Variants in PPP1R9A observed in about 807,000 individuals in gnomAD.
PPP1R9A encodes protein phosphatase 1 regulatory subunit 9A.
Under a neutral mutation model 141.9 loss-of-function variants are expected in PPP1R9A, and 59 were observed. The observed-to-expected ratio is 0.42, with a 90% CI of 0.34 to 0.52. The LOEUF (loss-of-function observed/expected upper bound fraction) is 0.52, where lower values mean the gene tolerates loss of function less well. Ranked by LOEUF, PPP1R9A falls within the 20% of genes least tolerant of loss-of-function variation. The probability of loss-of-function intolerance (pLI) is 0.10; values close to 1 mark genes in which losing one functional copy is unlikely to be tolerated. For missense variants in PPP1R9A, 1,444 were observed against 1,611.9 expected, an observed-to-expected ratio of 0.90 and a Z score of 1.78; for synonymous variants, 500 against 569.7, an observed-to-expected ratio of 0.88 and a Z score of 1.74.
intron 2 of PPP1R9A, among the ~76,000 whole-genome samples, chr7:94,985,709 G>C (rs961499182): frequency 3.3e-5 from 5 of 150,950 alleles, no homozygotes; most frequent in Non-Finnish European, 4.4e-5. Context: ...CCTTTATTTT[G>C]AGCCTGTGTG....
intron 5 of PPP1R9A, among the ~76,000 whole-genome samples, chr7:95,171,372 A>G (rs953772813): frequency 5.9e-5 from 9 of 151,662 alleles, no homozygotes; most frequent in African/African-American, 2.2e-4. Context: ...ATTAATCAAA[A>G]GAGCACTAGT....
At chr7:95,061,297 T>G (rs1007477088) in intron 2 of PPP1R9A, among the ~76,000 whole-genome samples, 1 of 152,218 alleles carries the variant, frequency 6.6e-6, no homozygotes, top group African/African-American at 2.4e-5. Flanking sequence ...TGAGCTAACA[T>G]CTATAAAAAT....
At chr7:94,953,198 C>T (rs1394679047) in intron 2 of PPP1R9A, among the ~76,000 whole-genome samples, 4 of 152,142 alleles carry the variant, frequency 2.6e-5, no homozygotes, top group African/African-American at 9.7e-5. Context: ...TTCCCAACAC[C>T]ATTTATTAAA....
chr7:95,222,076 G>T (rs1794539011), intron 7 of PPP1R9A, among the ~76,000 whole-genome samples: 1 of 151,990 alleles, frequency 6.6e-6, no homozygotes, highest in Non-Finnish European at 1.5e-5. Flanking sequence ...TCTTGTCCAG[G>T]GTAAGCATAT....
At chr7:95,077,308 T>C (rs1047131038) in intron 2 of PPP1R9A, among the ~76,000 whole-genome samples, 1 of 152,190 alleles carries the variant, frequency 6.6e-6, no homozygotes. Flanking sequence ...ACAGTTAATT[T>C]ATATAATCTG....
At chr7:95,138,445 A>C (rs1164284214) in intron 4 of PPP1R9A, among the ~76,000 whole-genome samples, 2 of 152,196 alleles carry the variant, frequency 1.3e-5, no homozygotes, top group African/African-American at 4.8e-5. Flanking sequence ...AGAGGTGAAA[A>C]TCTTTATAAA....
intron 2 of PPP1R9A, among the ~76,000 whole-genome samples, chr7:95,051,981 A>G (rs558891179): frequency 1.6e-4 from 24 of 152,102 alleles, no homozygotes; most frequent in African/African-American, 5.5e-4. Flanking sequence ...CTGGGATTAC[A>G]GGTGCACACC....
intron 2 of PPP1R9A, among the ~76,000 whole-genome samples, chr7:94,963,551 G>C (rs1480116768): frequency 6.6e-6 from 1 of 151,984 alleles, no homozygotes; most frequent in Non-Finnish European, 1.5e-5. Flanking sequence ...TATAATATGT[G>C]GTCTTCTGTG....
intron 2 of PPP1R9A, among the ~76,000 whole-genome samples, chr7:94,917,713 T>C (rs1288312141): frequency 6.6e-6 from 1 of 152,144 alleles, no homozygotes; most frequent in Non-Finnish European, 1.5e-5. Context: ...CAGCAGTTGC[T>C]TGCTTTTTGG....
intron 2 of PPP1R9A, among the ~76,000 whole-genome samples, chr7:95,027,085 G>C (rs1806962621): frequency 6.6e-6 from 1 of 152,138 alleles, no homozygotes; most frequent in African/African-American, 2.4e-5. Flanking sequence ...CTTTCCAAGG[G>C]AGTGAATGGT....
chr7:95,275,559 T>C (rs1404998884), intron 16 of PPP1R9A, among the ~76,000 whole-genome samples: 1 of 151,736 alleles, frequency 6.6e-6, no homozygotes, highest in African/African-American at 2.4e-5. Context: ...GTAGATGTTT[T>C]TCCAACATAC....
In PPP1R9A at chr7:95,274,172, C is replaced by T. The variant is rs530965902; in HGVS notation, c.3296+4C>T. Reference sequence around the variant, plus strand: ...GTAGGTTTTCTGCAGGTAGCAGGTACGGTTGTGTGATTAAGAACACGTGTA... The same window carrying T: ...GTAGGTTTTCTGCAGGTAGCAGGTATGGTTGTGTGATTAAGAACACGTGTA... On this transcript the variant is annotated splice_donor_region_variant and intron_variant, in intron 16 of 19. Transcript: ENST00000433360. 18 of 1,548,480 alleles carry T rather than the reference C, an allele frequency of 1.2e-5. No individual in the cohort carries two copies. The East Asian group carries it at 2.5e-4, about 22-fold the overall frequency.
rs532333175 is a variant in PPP1R9A at position 95,170,104 on chromosome 7, G to A, written c.1754+8133G>A. On this transcript the variant is annotated intron_variant, in intron 5 of 19. Transcript: ENST00000433360. Reference sequence around the variant, plus strand: ...CATATGTGTTATGAAATGTACATTGGATGGGATAACAGATTCAAATATGCA... The same window carrying A: ...CATATGTGTTATGAAATGTACATTGAATGGGATAACAGATTCAAATATGCA... Among the ~76,000 whole-genome samples the A allele has an allele frequency of 4.6e-5, 7 of 151,856 alleles. No homozygotes were observed. In the South Asian group the frequency reaches 1.2e-3, roughly 27 times the overall value.
intron 16 of PPP1R9A, among the ~76,000 whole-genome samples, chr7:95,279,921 C>T (rs1803851171): frequency 6.6e-6 from 1 of 151,956 alleles, no homozygotes; most frequent in African/African-American, 2.4e-5. Flanking sequence ...CATTTTAAAC[C>T]CCTCCAGTAT....
At chr7:95,243,030 A>G (rs1468188404) in intron 8 of PPP1R9A, among the ~76,000 whole-genome samples, 3 of 152,178 alleles carry the variant, frequency 2.0e-5, no homozygotes, top group Non-Finnish European at 4.4e-5. Context: ...TAGAATAAGA[A>G]AACTCAACCT....
chr7:95,079,007 T>C (rs1284302670), intron 2 of PPP1R9A, among the ~76,000 whole-genome samples: 1 of 152,138 alleles, frequency 6.6e-6, no homozygotes, highest in Non-Finnish European at 1.5e-5. Flanking sequence ...TTGTCAATTT[T>C]GGCTTTTGTT....
chr7:95,020,380 A>G (rs1805766568), intron 2 of PPP1R9A, among the ~76,000 whole-genome samples: 1 of 152,212 alleles, frequency 6.6e-6, no homozygotes, highest in Non-Finnish European at 1.5e-5. Flanking sequence ...GATATAAATT[A>G]AATATTTTAT....
intron 4 of PPP1R9A, among the ~76,000 whole-genome samples, chr7:95,136,982 C>CA (rs1825771529): frequency 6.6e-6 from 1 of 151,740 alleles, no homozygotes; most frequent in African/African-American, 2.4e-5. Context: ...CAGGTGACTT[C>CA]AAAGAGAAGT....
chr7:95,122,336 G>A (rs137936758), intron 4 of PPP1R9A, among the ~76,000 whole-genome samples: 20 of 152,078 alleles, frequency 1.3e-4, no homozygotes, highest in African/African-American at 4.1e-4. Context: ...TAGTAGAGAC[G>A]GGGTTTCACC....
Sources: allele counts gnomAD v4.1 joint callset (sites outside exome capture counted in the v4.1 genomes callset), GRCh38; gene constraint gnomAD v4.1.1; transcripts MANE v1.5; gene names NCBI Gene and HGNC (gene_info 2026-07-23, HGNC 2026-07-21).